CCDC150: variants seen among roughly 807,000 people sequenced by gnomAD.
The protein encoded by CCDC150 is coiled-coil domain-containing protein 150.
A neutral mutation model predicts 156.5 loss-of-function variants in CCDC150; 151 were observed. The observed-to-expected ratio is 0.97, with a 90% CI of 0.85 to 1.10. The LOEUF (loss-of-function observed/expected upper bound fraction) is 1.10. Ranked by LOEUF, CCDC150 falls within the 50% of genes least tolerant of loss-of-function variation. The pLI is 0.00. For synonymous variants in CCDC150, 452 were observed against 429.4 expected, an observed-to-expected ratio of 1.05 and a Z score of -0.65; for missense variants, 1,312 against 1,268.1, an observed-to-expected ratio of 1.03 and a Z score of -0.53.
intron 1 of CCDC150, among the ~76,000 whole-genome samples, chr2:196,643,040 G>A (rs1692330492): frequency 6.6e-6 from 1 of 152,216 alleles, no homozygotes; most frequent in Admixed American, 6.5e-5. Flanking sequence ...CACTGTGCCT[G>A]GCCATGAGAT....
At chr2:196,708,706 T>G (rs1209737872) in intron 15 of CCDC150, among the ~76,000 whole-genome samples, 3 of 152,208 alleles carry the variant, frequency 2.0e-5, no homozygotes. Flanking sequence ...GACCTGGTGG[T>G]GACAAAATAT....
At position 196,720,687 on chromosome 2, in the gene CCDC150, A is replaced by G; in HGVS notation, c.2259+19A>G. On this transcript the variant is annotated intron_variant, in intron 20 of 27. Transcript: ENST00000389175. ...CAGTGAGGTTGGAGCCAGGCTTTAA[A>G]AAATGATAACATTGATATTTTTAGT... 1 of 1,600,072 alleles carries G rather than the reference A, an allele frequency of 6.2e-7. No homozygotes were observed. Among genetic ancestry groups the G allele is most frequent in the Non-Finnish European group, 8.5e-7 (1 of 1,171,958 alleles).
At chr2:196,649,262 T>C (rs1692735623) in intron 2 of CCDC150, among the ~76,000 whole-genome samples, 1 of 152,186 alleles carries the variant, frequency 6.6e-6, no homozygotes, top group African/African-American at 2.4e-5. Flanking sequence ...TTCTAATCCA[T>C]AAACCTGGGA....
intron 2 of CCDC150, among the ~76,000 whole-genome samples, chr2:196,649,663 T>C (rs1371329524): frequency 6.6e-6 from 1 of 152,214 alleles, no homozygotes; most frequent in African/African-American, 2.4e-5. Flanking sequence ...TGTATTTGTG[T>C]CATCCTCAAT....
At position 196,701,964 on chromosome 2, in the gene CCDC150, G is replaced by T. The variant is rs868781359; in HGVS notation, c.1695+784G>T. Among the ~76,000 whole-genome samples, 6 of 152,248 alleles carry T rather than the reference G, an allele frequency of 3.9e-5. 1 individual carries two copies. The Middle Eastern group carries it at 0.01, about 259-fold the overall frequency. ...ATGTTGGGGGAGGCTGTGCGTGGTG[G>T]TTCATACCTGATCCCAACACTTTGG... On this transcript the variant is annotated intron_variant, in intron 15 of 27. Coordinates refer to ENST00000389175, the MANE Select transcript of CCDC150 (RefSeq NM_001080539.2).
intron 15 of CCDC150, among the ~76,000 whole-genome samples, chr2:196,701,435 G>A (rs1696199609): frequency 6.6e-6 from 1 of 152,094 alleles, no homozygotes; most frequent in Non-Finnish European, 1.5e-5. Context: ...TTTTATGCAT[G>A]GTCATTCACT....
chr2:196,703,370 T>C (rs1696370968), intron 15 of CCDC150, among the ~76,000 whole-genome samples: 1 of 152,160 alleles, frequency 6.6e-6, no homozygotes, highest in South Asian at 2.1e-4. Context: ...AAAGAATTAC[T>C]AGAACACCTA....
intron 21 of CCDC150, among the ~76,000 whole-genome samples, chr2:196,723,557 A>G (rs1698046279): frequency 6.6e-6 from 1 of 152,182 alleles, no homozygotes; most frequent in African/African-American, 2.4e-5. Flanking sequence ...TGCCATGGGA[A>G]AAGTATAGAG....
At chr2:196,647,733 C>T (rs902500034) in intron 2 of CCDC150, among the ~76,000 whole-genome samples, 2 of 152,102 alleles carry the variant, frequency 1.3e-5, no homozygotes, top group Non-Finnish European at 2.9e-5. Flanking sequence ...TCCGTCACCT[C>T]ACATACTTAT....
chr2:196,659,994 C>G (rs1404852724), intron 5 of CCDC150, among the ~76,000 whole-genome samples: 3 of 152,156 alleles, frequency 2.0e-5, no homozygotes, highest in Non-Finnish European at 4.4e-5. Flanking sequence ...CTCATGTCTT[C>G]CCCTGAGCCC....
At chr2:196,729,430 G>A (rs2125719572) in intron 23 of CCDC150, 43 bp downstream of exon 23, 1 of 1,578,026 alleles carries the variant, frequency 6.3e-7, no homozygotes. Context: ...TACCCTGTGA[G>A]GATGTAGTCA....
At position 196,719,622 on chromosome 2, in the gene CCDC150, G is replaced by A. The variant is rs566079893; in HGVS notation, c.2121G>A (p.Glu707=). 150 of 1,612,636 alleles carry A rather than the reference G, an allele frequency of 9.3e-5. 2 individuals carry two copies. The highest frequency in any genetic ancestry group is 6.6e-4 in the South Asian group (60 of 90,750). ...MQGALEKVQI[E]LGRRDSEIAG... is the part of the protein sequence containing the mutation. ...GTGCTCTGGAGAAAGTACAAATAGA[G>A]CTTGGGCGGAGGGATTCAGAGATTG... The change falls in exon 19 of 28, where the codon GAG becomes GAA. Residue 707 remains glutamate, a synonymous_variant. Transcript: ENST00000389175.
chr2:196,673,768 T>C (rs574265513), intron 9 of CCDC150, among the ~76,000 whole-genome samples: 1 of 152,354 alleles, frequency 6.6e-6, no homozygotes, highest in Non-Finnish European at 1.5e-5. Flanking sequence ...ATTTTTGTTT[T>C]ATTTTGAAAG....
chr2:196,644,900 A>C (rs1249344246), intron 1 of CCDC150, among the ~76,000 whole-genome samples: 1 of 151,550 alleles, frequency 6.6e-6, no homozygotes, highest in East Asian at 1.9e-4. Flanking sequence ...AGATCACTTG[A>C]GGTCAGGAGT....
chr2:196,676,335 C>G, intron 11 of CCDC150, 68 bp downstream of exon 11: 1 of 1,554,972 alleles, frequency 6.4e-7, no homozygotes, highest in South Asian at 1.2e-5. Context: ...ATCATGTGTC[C>G]GTCTCAGTCT....
chr2:196,724,053 A>G (rs1278934639), intron 21 of CCDC150, among the ~76,000 whole-genome samples: 1 of 152,180 alleles, frequency 6.6e-6, no homozygotes, highest in Non-Finnish European at 1.5e-5. Context: ...GAGGTTGGAC[A>G]TTTCTTCCTT....
chr2:196,690,963 CAT>C (rs1695426151), intron 13 of CCDC150, among the ~76,000 whole-genome samples: 3 of 152,132 alleles, frequency 2.0e-5, no homozygotes, highest in Admixed American at 6.5e-5. Flanking sequence ...TTGAGATAAT[CAT>C]GTGGTTTTTC....
intron 17 of CCDC150, among the ~76,000 whole-genome samples, chr2:196,716,745 G>T (rs1209430121): frequency 2.0e-5 from 3 of 151,110 alleles, no homozygotes; most frequent in Non-Finnish European, 4.4e-5. Context: ...CTTTAAGTAT[G>T]TGTAGCTTAT....
chr2:196,671,213 G>T (rs2125606759), intron 8 of CCDC150, among the ~76,000 whole-genome samples: 1 of 152,096 alleles, frequency 6.6e-6, no homozygotes, highest in East Asian at 1.9e-4. Flanking sequence ...AATCTTCTGT[G>T]CTTTGCCTAT....
Sources: allele counts gnomAD v4.1 joint callset (sites outside exome capture counted in the v4.1 genomes callset), GRCh38; gene constraint gnomAD v4.1.1; transcripts MANE v1.5; gene names NCBI Gene and HGNC (gene_info 2026-07-23, HGNC 2026-07-21).